Variants in DMD observed in about 807,000 individuals in gnomAD.
DMD encodes the protein mutant dystrophin.
In DMD, 63 loss-of-function variants were observed where a neutral mutation model predicts 330.1. The observed-to-expected ratio is 0.19, with a 90% confidence interval of 0.16 to 0.24. The LOEUF is 0.24. DMD is among the 10% of genes least tolerant of loss of function. The pLI, the probability that DMD is intolerant of heterozygous loss-of-function variation, is 1.00. For synonymous variants in DMD, 1,223 were observed against 959.8 expected, an observed-to-expected ratio of 1.27 and a Z score of -5.07; for missense variants, 3,344 against 2,684.1, an observed-to-expected ratio of 1.25 and a Z score of -5.43.
intron 48 of DMD, among the ~76,000 whole-genome samples, chrX:31,844,299 AT>A (rs35743535): frequency 0.32 from 30,561 of 96,880 alleles, 4,036 homozygotes; most frequent in East Asian, 0.53. Context: ...TCCTTTCCCC[AT>A]TTTTTTTTTT....
At chrX:31,493,360 G>A (rs2069496917) in intron 57 of DMD, among the ~76,000 whole-genome samples, 1 of 112,461 alleles carries the variant, frequency 8.9e-6, no homozygotes, top group African/African-American at 3.2e-5. Context: ...AATTTTAGAA[G>A]TGTGTAAAGA....
intron 2 of DMD, among the ~76,000 whole-genome samples, chrX:32,926,532 C>T: frequency 9.0e-6 from 1 of 110,953 alleles, no homozygotes; most frequent in East Asian, 2.8e-4. Flanking sequence ...GGCGGATTGC[C>T]TGAGCTCAGG....
intron 44 of DMD, among the ~76,000 whole-genome samples, chrX:32,180,646 T>C (rs2096924132): frequency 9.0e-6 from 1 of 111,003 alleles, no homozygotes; most frequent in South Asian, 3.8e-4. Flanking sequence ...ACTGGGTAAT[T>C]TATAAAAGAA....
At chrX:32,894,395 G>T (rs1043104506) in intron 2 of DMD, among the ~76,000 whole-genome samples, 1 of 112,572 alleles carries the variant, frequency 8.9e-6, no homozygotes, top group Non-Finnish European at 1.9e-5. Context: ...CTGTAGAAAC[G>T]ATCCAGTGGT....
intron 60 of DMD, among the ~76,000 whole-genome samples, chrX:31,416,450 C>A (rs189566326): frequency 8.4e-4 from 94 of 112,359 alleles, no homozygotes; most frequent in Middle Eastern, 4.6e-3. Context: ...GTTGCTTGGG[C>A]TTTTAATTTT....
At chrX:31,890,219 A>G (rs1191754201) in intron 47 of DMD, among the ~76,000 whole-genome samples, 3 of 109,822 alleles carry the variant, frequency 2.7e-5, no homozygotes, top group Non-Finnish European at 5.7e-5. Flanking sequence ...TCATTTAAGA[A>G]ACAATTTAGC....
At chrX:31,839,327 G>T (rs749479180) in intron 48 of DMD, among the ~76,000 whole-genome samples, 1 of 112,107 alleles carries the variant, frequency 8.9e-6, no homozygotes, top group African/African-American at 3.2e-5. Flanking sequence ...ATCCCTGGAA[G>T]TGCCTAACAC....
chrX:32,164,300 A>G (rs1305605500), intron 44 of DMD, among the ~76,000 whole-genome samples: 1 of 111,901 alleles, frequency 8.9e-6, no homozygotes. Flanking sequence ...AAAATGTGGA[A>G]AAGTTTGGAA....
At chrX:31,947,769 C>T (rs2095107054) in intron 45 of DMD, among the ~76,000 whole-genome samples, 1 of 111,290 alleles carries the variant, frequency 9.0e-6, no homozygotes, top group African/African-American at 3.3e-5. Flanking sequence ...ACCATGAAAC[C>T]ATCCCCATAA....
chrX:32,473,647 C>T (rs971881841), intron 21 of DMD, among the ~76,000 whole-genome samples: 1 of 110,827 alleles, frequency 9.0e-6, no homozygotes, highest in Admixed American at 9.7e-5. Flanking sequence ...GCAATGGATG[C>T]TGAAATGTTA....
At chrX:32,152,397 C>T (rs1240830147) in intron 44 of DMD, among the ~76,000 whole-genome samples, 2 of 111,439 alleles carry the variant, frequency 1.8e-5, no homozygotes, top group East Asian at 2.8e-4. Context: ...GATCTCCCAT[C>T]GGATCATAGT....
chrX:31,681,100 C>T (rs1444871058), intron 52 of DMD, among the ~76,000 whole-genome samples: 1 of 111,401 alleles, frequency 9.0e-6, no homozygotes, highest in African/African-American at 3.3e-5. Flanking sequence ...ATATCATCCT[C>T]CCAGACCCAA....
At chrX:31,855,767 C>G (rs747113794) in intron 48 of DMD, among the ~76,000 whole-genome samples, 2 of 111,066 alleles carry the variant, frequency 1.8e-5, no homozygotes, top group Non-Finnish European at 3.8e-5. Flanking sequence ...ATTCTCTCTT[C>G]TGAATACTCT....
intron 50 of DMD, among the ~76,000 whole-genome samples, chrX:31,815,264 A>C (rs1051571015): frequency 8.9e-6 from 1 of 111,838 alleles, no homozygotes; most frequent in African/African-American, 3.3e-5. Flanking sequence ...AGCCTGACCA[A>C]CATGGTGAAA....
At chrX:32,740,624 A>G (rs2069130341) in intron 7 of DMD, among the ~76,000 whole-genome samples, 1 of 111,817 alleles carries the variant, frequency 8.9e-6, no homozygotes, top group Admixed American at 9.5e-5. Flanking sequence ...GAATATTATA[A>G]AAGCATAAAG....
rs1040056565 is a variant in DMD at position 33,180,517 on chromosome X, T to A, written c.31+30765A>T. ...CTTATTATGCCTGCTACCCATTTCA[T>A]CTTCTTCTTCACTGTTTGTCTTGTT... On this transcript the variant is annotated intron_variant, in intron 1 of 78. Transcript: ENST00000357033. Among the ~76,000 whole-genome samples the A allele has an allele frequency of 4.5e-5, 5 of 111,115 alleles. No individual in the cohort carries two copies. The Admixed American group carries it at 4.8e-4, about 11-fold the overall frequency.
chrX:31,944,134 C>G (rs944250983), intron 45 of DMD, among the ~76,000 whole-genome samples: 3 of 111,503 alleles, frequency 2.7e-5, no homozygotes, highest in Non-Finnish European at 5.6e-5. Flanking sequence ...CTGGGGACCC[C>G]TGGGAGTCCC....
At chrX:31,743,277 A>C (rs1287169168) in intron 51 of DMD, among the ~76,000 whole-genome samples, 1 of 112,907 alleles carries the variant, frequency 8.9e-6, no homozygotes, top group Non-Finnish European at 1.9e-5. Context: ...GCCACAGTGA[A>C]ACAGTTTGAA....
chrX:32,989,520 C>T (rs2092925383), intron 2 of DMD, among the ~76,000 whole-genome samples: 1 of 111,659 alleles, frequency 9.0e-6, no homozygotes, highest in South Asian at 3.7e-4. Context: ...AGTTAAATTC[C>T]AATCTAAGAT....
Sources: gnomAD v4.1 joint callset for allele counts (sites outside exome capture counted in the v4.1 genomes callset) on GRCh38, gnomAD v4.1.1 for gene constraint, MANE v1.5 for transcripts, NCBI Gene and HGNC (gene_info 2026-07-23, HGNC 2026-07-21) for gene names.